TFEC: variants seen among roughly 807,000 people sequenced by gnomAD.
TFEC encodes the protein class E basic helix-loop-helix protein 34.
TFEC carries 31 observed loss-of-function variants against 41.6 expected under a neutral mutation model. That is an observed-to-expected ratio of 0.74 (90% confidence interval 0.56 to 1.01). TFEC has a LOEUF of 1.01. Ranked by LOEUF, TFEC falls within the 50% of genes least tolerant of loss-of-function variation. TFEC has a pLI of 0.00. For missense variants in TFEC, 402 were observed against 404.1 expected, an observed-to-expected ratio of 0.99 and a Z score of 0.04; for synonymous variants, 143 against 140.6, an observed-to-expected ratio of 1.02 and a Z score of -0.12.
At chr7:116,044,679 C>T (rs779574506) in intron 3 of TFEC, among the ~76,000 whole-genome samples, 1 of 152,196 alleles carries the variant, frequency 6.6e-6, no homozygotes, top group Non-Finnish European at 1.5e-5. Flanking sequence ...AATCAACAGC[C>T]AGATGCTGGG....
chr7:116,033,300 C>T (rs1309193109), upstream of TFEC, among the ~76,000 whole-genome samples: 1 of 152,094 alleles, frequency 6.6e-6, no homozygotes, highest in East Asian at 1.9e-4. Context: ...GGTCTCAACT[C>T]CCAGCTCTAC....
At chr7:116,101,295 G>A (rs1270667310) in intron 3 of TFEC, among the ~76,000 whole-genome samples, 1 of 151,412 alleles carries the variant, frequency 6.6e-6, no homozygotes, top group Admixed American at 6.6e-5. Flanking sequence ...ACTTGCCTGA[G>A]AGAGACAGCA....
chr7:116,154,867 CTCTT>C (rs1297438397), intron 1 of TFEC, among the ~76,000 whole-genome samples: 1 of 152,072 alleles, frequency 6.6e-6, no homozygotes, highest in African/African-American at 2.4e-5. Flanking sequence ...TATTAATTCT[CTCTT>C]TGTTTTGTGG....
At chr7:116,130,732 C>T (rs777457483) in intron 1 of TFEC, among the ~76,000 whole-genome samples, 2 of 152,160 alleles carry the variant, frequency 1.3e-5, no homozygotes, top group African/African-American at 2.4e-5. Flanking sequence ...CCCACCTCAG[C>T]CTCCCATGTA....
In TFEC at chr7:115,939,658, T is replaced by C. The variant is rs1400541531; in HGVS notation, c.*893A>G. On this transcript the variant is annotated 3_prime_UTR_variant, in exon 8 of 8. Transcript: ENST00000265440. ...ACATTTTATATTTTATTTACTAAAATTGATGATCTGACATCTCTTCTTCAT... is the reference window on the plus strand; with the variant it reads ...ACATTTTATATTTTATTTACTAAAACTGATGATCTGACATCTCTTCTTCAT... 6.6e-6 allele frequency: 1 copy of C among 152,056 alleles called. No homozygotes were observed. The highest frequency in any genetic ancestry group is 1.5e-5 in the Non-Finnish European group (1 of 67,968). 9.4% of individuals were successfully genotyped at this position (152,056 alleles called of 1,614,324 possible).
intron 3 of TFEC, among the ~76,000 whole-genome samples, chr7:116,089,808 G>A (rs557832551): frequency 6.6e-6 from 1 of 152,228 alleles, no homozygotes; most frequent in African/African-American, 2.4e-5. Flanking sequence ...TATGGGGGAA[G>A]GATGCACATG....
chr7:116,047,445 G>A (rs1487031483), intron 3 of TFEC, among the ~76,000 whole-genome samples: 2 of 152,162 alleles, frequency 1.3e-5, no homozygotes, highest in African/African-American at 4.8e-5. Flanking sequence ...TGGCAGTGAG[G>A]CTGGGGGAGG....
At chr7:116,036,374 T>C (rs1795909711) in intron 3 of TFEC, among the ~76,000 whole-genome samples, 1 of 152,044 alleles carries the variant, frequency 6.6e-6, no homozygotes. Flanking sequence ...AAGTTGCAAA[T>C]GGGCAAAGTA....
intron 1 of TFEC, among the ~76,000 whole-genome samples, chr7:115,997,907 G>A (rs1459108105): frequency 1.3e-5 from 2 of 151,720 alleles, no homozygotes; most frequent in Admixed American, 1.3e-4. Context: ...ATGGTCAGAG[G>A]GGACAAAAGG....
chr7:116,156,062 G>A (rs994901296), intron 1 of TFEC, among the ~76,000 whole-genome samples: 3 of 152,098 alleles, frequency 2.0e-5, no homozygotes, highest in Non-Finnish European at 2.9e-5. Flanking sequence ...CCTGAGGCAA[G>A]TGCTTCATAC....
intron 1 of TFEC, among the ~76,000 whole-genome samples, chr7:116,137,657 TC>T (rs1258681663): frequency 2.0e-5 from 3 of 152,050 alleles, no homozygotes; most frequent in Non-Finnish European, 2.9e-5. Context: ...TTAACTGAAT[TC>T]CCCCAAACAT....
chr7:116,076,610 A>G (rs2131041132), intron 3 of TFEC, among the ~76,000 whole-genome samples: 1 of 152,224 alleles, frequency 6.6e-6, no homozygotes, highest in South Asian at 2.1e-4. Context: ...TCACGGACAC[A>G]CTTAGAGAAA....
intron 3 of TFEC, among the ~76,000 whole-genome samples, chr7:116,055,913 TTC>T (rs1176159160): frequency 6.6e-6 from 1 of 152,042 alleles, no homozygotes; most frequent in African/African-American, 2.4e-5. Flanking sequence ...ACCATGCCGT[TTC>T]TGTTCTTATT....
At chr7:116,018,099 T>C (rs1795261842) in intron 1 of TFEC, among the ~76,000 whole-genome samples, 1 of 152,200 alleles carries the variant, frequency 6.6e-6, no homozygotes. Flanking sequence ...CTTATAGATG[T>C]CAAGACCTAT....
At chr7:116,107,008 C>T (rs138167693) in intron 3 of TFEC, among the ~76,000 whole-genome samples, 1 of 152,200 alleles carries the variant, frequency 6.6e-6, no homozygotes, top group East Asian at 1.9e-4. Context: ...TGGGTCAAAC[C>T]AACTTTAACT....
chr7:115,970,318 T>C (rs1793076469), intron 3 of TFEC, among the ~76,000 whole-genome samples: 1 of 151,970 alleles, frequency 6.6e-6, no homozygotes, highest in Non-Finnish European at 1.5e-5. Flanking sequence ...TGGATTAGTT[T>C]GCTATTGATT....
chr7:115,956,723 C>G lies in TFEC; in HGVS notation c.338G>C (p.Ser113Thr). 1 of 1,610,612 alleles carries G rather than the reference C, an allele frequency of 6.2e-7. No homozygotes were observed. The highest frequency in any genetic ancestry group is 1.3e-5 in the African/African-American group (1 of 74,840). Reference protein sequence around the residue: ...GISPINMGLTSASCPSSLPMK... With the variant: ...GISPINMGLTTASCPSSLPMK... ...TGGTAGACTACTTGGACAAGAAGCA[C>G]TTGTAAGCCCCATGTTAATTGGTGA... The change falls in exon 4 of 8, where the codon AGT becomes ACT. Residue 113 changes from serine to threonine, a missense_variant. Transcript: ENST00000265440.
intron 1 of TFEC, among the ~76,000 whole-genome samples, chr7:116,122,433 AAC>A (rs1798126631): frequency 6.6e-6 from 1 of 152,064 alleles, no homozygotes; most frequent in African/African-American, 2.4e-5. Flanking sequence ...CTGCTCCCGT[AAC>A]ACTGAACAGC....
At chr7:116,056,918 A>AT (rs1452009359) in intron 3 of TFEC, among the ~76,000 whole-genome samples, 2 of 152,214 alleles carry the variant, frequency 1.3e-5, no homozygotes, top group East Asian at 3.9e-4. Context: ...TAAAACAGTT[A>AT]TAACAACTGT....
Sources: allele counts gnomAD v4.1 joint callset (sites outside exome capture counted in the v4.1 genomes callset), GRCh38; gene constraint gnomAD v4.1.1; transcripts MANE v1.5; gene names NCBI Gene and HGNC (gene_info 2026-07-23, HGNC 2026-07-21).